ADAM32: variants seen among roughly 807,000 people sequenced by gnomAD.
The protein encoded by ADAM32 is ADAM metallopeptidase domain 32.
A neutral mutation model predicts 114.9 loss-of-function variants in ADAM32; 89 were observed. The ratio of observed to expected loss-of-function variants is 0.77; its 90% CI spans 0.65 to 0.92. The LOEUF is 0.92. ADAM32 is among the 40% of genes least tolerant of loss of function. The pLI is 0.00. For missense variants in ADAM32, 870 were observed against 932.8 expected, an observed-to-expected ratio of 0.93 and a Z score of 0.88; for synonymous variants, 285 against 307.5, an observed-to-expected ratio of 0.93 and a Z score of 0.77.
intron 14 of ADAM32, among the ~76,000 whole-genome samples, chr8:39,229,220 C>G (rs1809578890): frequency 6.6e-6 from 1 of 152,118 alleles, no homozygotes; most frequent in Non-Finnish European, 1.5e-5. Flanking sequence ...CATATCAAAA[C>G]AAAAACTCTT....
upstream of ADAM32, chr8:39,107,721 C>G: frequency 6.5e-7 from 1 of 1,549,802 alleles, no homozygotes; most frequent in Non-Finnish European, 8.7e-7. Flanking sequence ...TCCCCGCGTC[C>G]CTGGCAATTC....
intron 6 of ADAM32, among the ~76,000 whole-genome samples, chr8:39,160,268 C>T (rs375951209): frequency 3.3e-5 from 5 of 152,176 alleles, no homozygotes; most frequent in Non-Finnish European, 1.5e-5. Context: ...GAAAGGAGCG[C>T]GGTGGCTCAC....
intron 10 of ADAM32, among the ~76,000 whole-genome samples, chr8:39,185,346 A>AAAAAAGC (rs1554609614): frequency 1.4e-5 from 2 of 146,492 alleles, no homozygotes; most frequent in Non-Finnish European, 3.0e-5. Context: ...AGTCTACAAA[A>AAAAAAGC]AAAAAACAAA....
chr8:39,187,895 A>T (rs1806352368), intron 11 of ADAM32, among the ~76,000 whole-genome samples: 1 of 152,212 alleles, frequency 6.6e-6, no homozygotes, highest in African/African-American at 2.4e-5. Context: ...TTCTATAAGT[A>T]TGTGATTGAT....
intron 4 of ADAM32, 92 bp from the exon 5 acceptor site, chr8:39,149,699 T>C: frequency 3.3e-6 from 3 of 910,874 alleles, no homozygotes; most frequent in Non-Finnish European, 4.9e-6. Flanking sequence ...CTGTGAAAAA[T>C]ATTCAGAAGG....
intron 2 of ADAM32, among the ~76,000 whole-genome samples, chr8:39,124,429 T>G (rs200533553): frequency 2.5e-5 from 3 of 119,942 alleles, no homozygotes; most frequent in African/African-American, 9.9e-5. Flanking sequence ...TTTTTTTTTT[T>G]ATTTTTGAGA....
chr8:39,229,989 A>G (rs1365967097), intron 14 of ADAM32, among the ~76,000 whole-genome samples: 1 of 152,176 alleles, frequency 6.6e-6, no homozygotes, highest in Non-Finnish European at 1.5e-5. Context: ...AAATTATGTC[A>G]AGCACTCTCT....
chr8:39,223,597 GTTGA>G (rs1167318304), intron 14 of ADAM32: 1 of 152,094 alleles, frequency 6.6e-6, no homozygotes, highest in Non-Finnish European at 1.5e-5. Flanking sequence ...CCACAGTTAA[GTTGA>G]TTAACATGTC....
chr8:39,213,983 C>CTCTA (rs966669300), intron 12 of ADAM32, among the ~76,000 whole-genome samples: 2 of 152,092 alleles, frequency 1.3e-5, no homozygotes, highest in African/African-American at 4.8e-5. Context: ...ATATAATGAC[C>CTCTA]TCTAGTTCCA....
chr8:39,147,068 A>C, intron 3 of ADAM32, 62 bp from the exon 4 acceptor site: 1 of 670,514 alleles, frequency 1.5e-6, no homozygotes, highest in South Asian at 4.9e-5. Context: ...TGTTAAGTTT[A>C]CTATGTTTTT....
intron 10 of ADAM32, among the ~76,000 whole-genome samples, chr8:39,184,437 G>A (rs1806095281): frequency 6.6e-6 from 1 of 152,124 alleles, no homozygotes; most frequent in African/African-American, 2.4e-5. Context: ...AGTTCTTTTG[G>A]ATTTACTGTT....
intron 2 of ADAM32, among the ~76,000 whole-genome samples, chr8:39,124,423 T>A (rs1197998952): frequency 4.6e-5 from 7 of 151,534 alleles, no homozygotes; most frequent in Non-Finnish European, 5.9e-5. Context: ...TCTTTTTTTT[T>A]TTTTTTATTT....
chr8:39,143,874 C>T (rs1368063700), intron 3 of ADAM32, among the ~76,000 whole-genome samples: 1 of 152,156 alleles, frequency 6.6e-6, no homozygotes, highest in Non-Finnish European at 1.5e-5. Flanking sequence ...CTGCCCAGTT[C>T]GTGCTTCCTG....
At chr8:39,155,691 A>G (rs1347227887) in intron 6 of ADAM32, among the ~76,000 whole-genome samples, 3 of 152,188 alleles carry the variant, frequency 2.0e-5, no homozygotes, top group East Asian at 3.9e-4. Flanking sequence ...CCTGGGCTCA[A>G]TAAAGACTTA....
At chr8:39,190,061 G>T (rs765087136) in intron 11 of ADAM32, among the ~76,000 whole-genome samples, 1 of 152,222 alleles carries the variant, frequency 6.6e-6, no homozygotes, top group Admixed American at 6.5e-5. Context: ...CTCGTGATCC[G>T]CCTGCCTTGG....
chr8:39,173,042 G>T (rs1421300600), intron 10 of ADAM32, among the ~76,000 whole-genome samples: 4 of 152,278 alleles, frequency 2.6e-5, no homozygotes, highest in Admixed American at 6.5e-5. Flanking sequence ...GGTGGATCAC[G>T]AGGTCAGGAG....
chr8:39,254,811 C>A (rs908990960), intron 18 of ADAM32, among the ~76,000 whole-genome samples: 2 of 151,776 alleles, frequency 1.3e-5, no homozygotes, highest in Non-Finnish European at 3.0e-5. Flanking sequence ...GTGCAGCCAT[C>A]ACCCAAGCAG....
intron 16 of ADAM32, among the ~76,000 whole-genome samples, chr8:39,237,360 C>T (rs1185733387): frequency 6.6e-6 from 1 of 152,068 alleles, no homozygotes; most frequent in Non-Finnish European, 1.5e-5. Context: ...TTTTCCTGGG[C>T]AGATGTGGTG....
At chr8:39,254,148 C>A (rs1035902227) in intron 17 of ADAM32, among the ~76,000 whole-genome samples, 1 of 151,018 alleles carries the variant, frequency 6.6e-6, no homozygotes, top group Non-Finnish European at 1.5e-5. Flanking sequence ...TTTGAAATTG[C>A]ATCGTAAATT....
Sources: gnomAD v4.1 joint callset for allele counts (sites outside exome capture counted in the v4.1 genomes callset) on GRCh38, gnomAD v4.1.1 for gene constraint, MANE v1.5 for transcripts, NCBI Gene and HGNC (gene_info 2026-07-23, HGNC 2026-07-21) for gene names.